PIEZO2: variants seen among roughly 807,000 people sequenced by gnomAD.
The protein encoded by PIEZO2 is piezo-type mechanosensitive ion channel component 2.
PIEZO2 carries 172 observed loss-of-function variants against 337.3 expected under a neutral mutation model. The observed-to-expected ratio is 0.51, with a 90% CI of 0.45 to 0.58. The LOEUF is 0.58. Ranked by LOEUF, PIEZO2 falls within the 20% of genes least tolerant of loss-of-function variation. PIEZO2 has a pLI of 0.00. For synonymous variants in PIEZO2, 1,251 were observed against 1,228.5 expected (o/e 1.02, Z -0.38); for missense variants, 3,028 against 3,391.3 (o/e 0.89, Z 2.66).
At chr18:10,762,751 G>A in intron 22 of PIEZO2, 126 bp from the exon 23 acceptor site, 1 of 1,336,162 alleles carries the variant, frequency 7.5e-7, no homozygotes, top group East Asian at 2.5e-5. Context: ...CATTTCAGGG[G>A]AGACCTCAGT....
intron 2 of PIEZO2, among the ~76,000 whole-genome samples, chr18:11,057,213 G>C (rs970399241): frequency 6.6e-6 from 1 of 152,058 alleles, no homozygotes; most frequent in African/African-American, 2.4e-5. Context: ...CAGCCTTCCT[G>C]CCTTGACAAT....
chr18:10,737,228 C>T lies in PIEZO2; in HGVS notation c.4709-518G>A, dbSNP rs191116569. On this transcript the variant is annotated intron_variant, in intron 33 of 55. Transcript: ENST00000674853. ...ATCTCCTCCTTCACTTTACACTGTG[C>T]AGACCTGACTTCTCCACATGTAACA... Among the ~76,000 whole-genome samples the T allele has an allele frequency of 1.2e-3, 184 of 148,634 alleles. 3 individuals are homozygous for T. Among genetic ancestry groups the T allele is most frequent in the African/African-American group, 4.4e-3 (175 of 39,536 alleles).
chr18:10,869,635 A>T (rs1420498702), intron 5 of PIEZO2, among the ~76,000 whole-genome samples: 3 of 152,214 alleles, frequency 2.0e-5, no homozygotes, highest in Non-Finnish European at 4.4e-5. Context: ...AATAGTCAAA[A>T]TTTAAATCCT....
chr18:10,765,843 C>T (rs993188383), intron 21 of PIEZO2, among the ~76,000 whole-genome samples: 2 of 151,798 alleles, frequency 1.3e-5, no homozygotes, highest in African/African-American at 2.4e-5. Context: ...GTGGGAAGGG[C>T]GGGATGAGTC....
chr18:11,095,284 C>A (rs2039230429), intron 1 of PIEZO2, among the ~76,000 whole-genome samples: 2 of 152,182 alleles, frequency 1.3e-5, no homozygotes, highest in Non-Finnish European at 2.9e-5. Flanking sequence ...CTCTTGGAAT[C>A]CAGTGAGAAA....
chr18:10,782,533 A>G (rs1459144989), intron 17 of PIEZO2, among the ~76,000 whole-genome samples: 1 of 135,816 alleles, frequency 7.4e-6, no homozygotes, highest in African/African-American at 2.8e-5. Flanking sequence ...TATATAATAT[A>G]TATTATAAAA....
At chr18:10,747,214 C>T (rs1313064443) in intron 30 of PIEZO2, among the ~76,000 whole-genome samples, 2 of 152,046 alleles carry the variant, frequency 1.3e-5, no homozygotes, top group Admixed American at 6.6e-5. Context: ...AAAAAGACAC[C>T]GGGGAACATT....
chr18:10,964,509 A>T (rs1431898968), intron 3 of PIEZO2, among the ~76,000 whole-genome samples: 2 of 152,232 alleles, frequency 1.3e-5, no homozygotes, highest in African/African-American at 4.8e-5. Flanking sequence ...TTTAAAATCT[A>T]CTAAATTAGC....
chr18:10,832,447 A>G (rs1006633606), intron 7 of PIEZO2, among the ~76,000 whole-genome samples: 1 of 152,206 alleles, frequency 6.6e-6, no homozygotes, highest in South Asian at 2.1e-4. Flanking sequence ...TGTGGTTACT[A>G]TTATGCTAAT....
intron 3 of PIEZO2, among the ~76,000 whole-genome samples, chr18:10,957,324 G>A (rs2033581389): frequency 6.6e-6 from 1 of 151,782 alleles, no homozygotes; most frequent in South Asian, 2.1e-4. Flanking sequence ...TTGACCCTGG[G>A]AGACAGAGGT....
rs1311377735 is a variant in PIEZO2, at chr18:11,143,629, ACACACACACACTCTCTCTCTCTCT to A, written c.64+4872_64+4895del. 3.4e-5 allele frequency among the ~76,000 whole-genome samples: 3 copies of A among 87,072 alleles called. No homozygotes were observed. Among genetic ancestry groups the A allele is most frequent in the African/African-American group, 2.0e-4 (3 of 15,222 alleles). 57.1% of individuals were successfully genotyped at this position (87,072 alleles called of 152,430 possible). ...CACACACACACACACACACACACAC[ACACACACACACTCTCTCTCTCTCT>A]CTCTCTCTCTCTCTCTCTCACTCTC... On this transcript the variant is annotated intron_variant, in intron 1 of 55. Coordinates refer to ENST00000674853, the MANE Select transcript of PIEZO2 (RefSeq NM_001378183.1). The surrounding 1 kb of genome is among the most constrained non-coding windows in gnomAD (Gnocchi z 4.9).
At chr18:10,922,091 C>T (rs1467667219) in intron 3 of PIEZO2, among the ~76,000 whole-genome samples, 1 of 152,074 alleles carries the variant, frequency 6.6e-6, no homozygotes, top group African/African-American at 2.4e-5. Flanking sequence ...CTTGTGATAT[C>T]CTATCACCTT....
chr18:10,913,271 A>G (rs1196856356), intron 3 of PIEZO2, among the ~76,000 whole-genome samples: 1 of 152,150 alleles, frequency 6.6e-6, no homozygotes, highest in Non-Finnish European at 1.5e-5. Flanking sequence ...AACCTGTGGA[A>G]GCCACAGTGT....
At chr18:11,142,778 C>CAAAAAAA (rs11290889) in intron 1 of PIEZO2, among the ~76,000 whole-genome samples, 3 of 116,162 alleles carry the variant, frequency 2.6e-5, no homozygotes, top group African/African-American at 6.6e-5. Flanking sequence ...GAGATTATCG[C>CAAAAAAA]AAAAAAAAAA....
chr18:10,827,523 C>G (rs1342872677), intron 7 of PIEZO2, among the ~76,000 whole-genome samples: 1 of 152,138 alleles, frequency 6.6e-6, no homozygotes, highest in Non-Finnish European at 1.5e-5. Context: ...CTCTGCTCCC[C>G]CTGCCTTTAT....
At chr18:10,910,188 A>G (rs1188297823) in intron 4 of PIEZO2, among the ~76,000 whole-genome samples, 1 of 152,242 alleles carries the variant, frequency 6.6e-6, no homozygotes, top group Admixed American at 6.5e-5. Flanking sequence ...TTTTCTTTCA[A>G]TAGCTATATT....
At chr18:10,760,230 G>A (rs1054517166) in intron 24 of PIEZO2, among the ~76,000 whole-genome samples, 3 of 152,126 alleles carry the variant, frequency 2.0e-5, no homozygotes, top group Non-Finnish European at 4.4e-5. Context: ...TATCACAATC[G>A]TTTTAGGTTA....
rs1272151997 is a variant in PIEZO2 at position 11,132,674 on chromosome 18, C to G, written c.64+15851G>C. ...GGTCTTAGTTCCAGAAGAAGGAGCA[C>G]TGCCACCAGTAGACACAATGATTCC... On this transcript the variant is annotated intron_variant, in intron 1 of 55. Transcript: ENST00000674853. The surrounding 1 kb of genome is among the most constrained non-coding windows in gnomAD (Gnocchi z 4.7). Among the ~76,000 whole-genome samples the G allele has an allele frequency of 1.3e-5, 2 of 152,138 alleles. No individual in the cohort carries two copies. Among genetic ancestry groups the G allele is most frequent in the Non-Finnish European group, 2.9e-5 (2 of 68,032 alleles).
At chr18:10,858,299 G>A (rs2041772943) in intron 5 of PIEZO2, among the ~76,000 whole-genome samples, 1 of 138,660 alleles carries the variant, frequency 7.2e-6, no homozygotes, top group Non-Finnish European at 1.5e-5. Flanking sequence ...CTCCAGCCTG[G>A]CGACAGAGCG....
Sources: gnomAD v4.1 joint callset for allele counts (sites outside exome capture counted in the v4.1 genomes callset) on GRCh38, gnomAD v4.1.1 for gene constraint, Gnocchi (gnomAD v3.1) non-coding constraint, MANE v1.5 for transcripts, NCBI Gene and HGNC (gene_info 2026-07-23, HGNC 2026-07-21) for gene names.